The following EFL1 variants were observed in gnomAD, a reference collection of about 807,000 sequenced individuals.
EFL1 encodes elongation factor-like GTPase 1.
EFL1 carries 76 observed loss-of-function variants against 126.7 expected under a neutral mutation model. The ratio of observed to expected loss-of-function variants is 0.60; its 90% CI spans 0.50 to 0.73. EFL1 has a LOEUF of 0.73. Ranked by LOEUF, EFL1 falls within the 30% of genes least tolerant of loss-of-function variation. EFL1 has a pLI of 0.00. For missense variants in EFL1, 1,128 were observed against 1,343.2 expected (o/e 0.84, Z 2.50); for synonymous variants, 410 against 448.4 (o/e 0.91, Z 1.08).
chr15:82,186,909 G>A (rs967976276), intron 15 of EFL1, among the ~76,000 whole-genome samples: 13 of 152,220 alleles, frequency 8.5e-5, no homozygotes, highest in Non-Finnish European at 8.8e-5. Flanking sequence ...TAATTCAGGC[G>A]CTTCTTAGGT....
intron 15 of EFL1, among the ~76,000 whole-genome samples, chr15:82,192,890 G>A (rs1407420016): frequency 6.6e-6 from 1 of 152,156 alleles, no homozygotes; most frequent in African/African-American, 2.4e-5. Context: ...AAGTACAAAA[G>A]CACCTGTGAG....
At chr15:82,140,800 A>G (rs2073778393) in intron 18 of EFL1, among the ~76,000 whole-genome samples, 1 of 152,238 alleles carries the variant, frequency 6.6e-6, no homozygotes, top group Non-Finnish European at 1.5e-5. Context: ...CCTCATAGTT[A>G]CAGAATCACA....
At chr15:82,163,333 G>C (rs1277754930) in intron 16 of EFL1, among the ~76,000 whole-genome samples, 1 of 152,192 alleles carries the variant, frequency 6.6e-6, no homozygotes, top group African/African-American at 2.4e-5. Flanking sequence ...CCTGCGGTCA[G>C]GAGTTCAAGA....
intron 12 of EFL1, among the ~76,000 whole-genome samples, chr15:82,223,791 AT>A (rs1475765794): frequency 6.6e-6 from 1 of 152,208 alleles, no homozygotes; most frequent in Non-Finnish European, 1.5e-5. Flanking sequence ...ACATTCATTC[AT>A]TCCATTATTC....
intron 15 of EFL1, among the ~76,000 whole-genome samples, chr15:82,174,627 G>C (rs946393367): frequency 6.6e-6 from 1 of 152,096 alleles, no homozygotes; most frequent in South Asian, 2.1e-4. Context: ...AGGGAGTCTT[G>C]GATTCCTATC....
chr15:82,182,528 A>C (rs2074261991), intron 15 of EFL1, among the ~76,000 whole-genome samples: 1 of 152,116 alleles, frequency 6.6e-6, no homozygotes. Flanking sequence ...GATGCCTGTA[A>C]ATCATATCTT....
Position 82,151,611 on chromosome 15 carries a change from G to C in EFL1, c.2843C>G (p.Ser948Cys). 1 of 1,614,160 alleles carries C rather than the reference G, an allele frequency of 6.2e-7. No homozygotes were observed. Among genetic ancestry groups the C allele is most frequent in the East Asian group, 2.2e-5 (1 of 44,876 alleles). ...AGGTCCATAGCAGTCAGTGAGTGGA[G>C]ATTCTCCTTTCTGTGATGTCCTCTT... ...FEKRTSQKGE[S>C]PLTDCYGPFS... Residue 948 changes from serine to cysteine, a missense_variant, in exon 18 of 20, where the codon TCT becomes TGT. Ser to Cys is a moderately radical substitution (Grantham distance 112). This residue lies in a region of EFL1 where 561 missense variants were observed against 641.7 expected (regional missense o/e 0.87). Transcript: ENST00000268206.
chr15:82,170,564 C>T (rs2074125025), intron 15 of EFL1, among the ~76,000 whole-genome samples: 1 of 152,192 alleles, frequency 6.6e-6, no homozygotes, highest in South Asian at 2.1e-4. Context: ...ATCCAAGGAA[C>T]TTGAATGTTA....
In EFL1 at chr15:82,163,981, A is replaced by G. The variant is rs2074050551; in HGVS notation, c.1754T>C (p.Ile585Thr). ...EEVPPGNVLG[I>T]GGLQDFVLKS... ...CAGCACAAAATCTTGAAGGCCTCCT[A>G]TTCCTGTAGGAAGAAAAGATCCATA... is the stretch of plus-strand genomic sequence containing the variant. Residue 585 changes from isoleucine to threonine, a missense_variant, in exon 16 of 20, where the codon ATA becomes ACA. This residue lies in a region of EFL1 where 561 missense variants were observed against 641.7 expected (regional missense o/e 0.87). Transcript: ENST00000268206. 6.2e-7 allele frequency: 1 copy of G among 1,613,792 alleles called. No homozygotes were observed. The highest frequency in any genetic ancestry group is 8.5e-7 in the Non-Finnish European group (1 of 1,179,880).
intron 4 of EFL1, 102 bp from the exon 5 acceptor site, chr15:82,241,505 C>A: frequency 7.1e-6 from 10 of 1,403,772 alleles, no homozygotes; most frequent in Non-Finnish European, 9.4e-6. Flanking sequence ...TAAGAAAAAA[C>A]TGAACAAAGC....
At chr15:82,231,752 T>C (rs2074824876) in intron 7 of EFL1, among the ~76,000 whole-genome samples, 1 of 152,104 alleles carries the variant, frequency 6.6e-6, no homozygotes, top group African/African-American at 2.4e-5. Flanking sequence ...ATAAAGGGTA[T>C]ACTGATTAGA....
intron 4 of EFL1, 128 bp downstream of exon 4, chr15:82,252,563 T>C (rs1221855437): frequency 1.8e-5 from 13 of 725,340 alleles, no homozygotes; most frequent in Non-Finnish European, 2.8e-5. Flanking sequence ...CAACAGATCA[T>C]GTGGAGAGGC....
At chr15:82,195,133 T>C (rs2074396059) in intron 15 of EFL1, among the ~76,000 whole-genome samples, 1 of 152,222 alleles carries the variant, frequency 6.6e-6, no homozygotes, top group African/African-American at 2.4e-5. Flanking sequence ...ATGAACTTGG[T>C]TTCGGTTATA....
At chr15:82,143,184 A>AT (rs1360676346) in intron 18 of EFL1, among the ~76,000 whole-genome samples, 2 of 152,234 alleles carry the variant, frequency 1.3e-5, no homozygotes, top group African/African-American at 4.8e-5. Flanking sequence ...ATAATAAGTA[A>AT]ACTGTATCAT....
chr15:82,239,766 G>C (rs1233252538), intron 6 of EFL1, among the ~76,000 whole-genome samples: 1 of 152,024 alleles, frequency 6.6e-6, no homozygotes, highest in Non-Finnish European at 1.5e-5. Flanking sequence ...CTTCTCTTTT[G>C]AATGTCCTTT....
At chr15:82,212,714 C>T (rs2141294311) in intron 15 of EFL1, among the ~76,000 whole-genome samples, 1 of 152,318 alleles carries the variant, frequency 6.6e-6, no homozygotes, top group East Asian at 1.9e-4. Context: ...TGTGGACTGG[C>T]TATTCAAAAG....
intron 15 of EFL1, among the ~76,000 whole-genome samples, chr15:82,201,335 A>G (rs1417467275): frequency 1.3e-5 from 2 of 152,168 alleles, no homozygotes; most frequent in Non-Finnish European, 2.9e-5. Context: ...TAGGAAGGTA[A>G]AAGCTCTGTG....
chr15:82,137,449 G>T (rs1595934827), intron 19 of EFL1, among the ~76,000 whole-genome samples: 2 of 152,324 alleles, frequency 1.3e-5, no homozygotes, highest in South Asian at 4.1e-4. Context: ...AATGAATGTG[G>T]TGTAGACTCA....
chr15:82,142,720 G>A (rs932392205), intron 18 of EFL1, among the ~76,000 whole-genome samples: 2 of 152,112 alleles, frequency 1.3e-5, no homozygotes, highest in African/African-American at 4.8e-5. Context: ...GCCAGATTCT[G>A]GAGTACACAG....
Sources: allele counts gnomAD v4.1 joint callset (sites outside exome capture counted in the v4.1 genomes callset), GRCh38; gene constraint gnomAD v4.1.1; regional missense constraint gnomAD v4.1.1; transcripts MANE v1.5; gene names NCBI Gene and HGNC (gene_info 2026-07-23, HGNC 2026-07-21).